The following PPFIA2 variants were observed in gnomAD, a reference collection of about 807,000 sequenced individuals.
The protein encoded by PPFIA2 is PPFI scaffold protein A2.
Under a neutral mutation model 175.5 loss-of-function variants are expected in PPFIA2, and 46 were observed. The ratio of observed to expected loss-of-function variants is 0.26; its 90% confidence interval spans 0.21 to 0.34. The LOEUF (loss-of-function observed/expected upper bound fraction) is 0.34, where lower values mean the gene tolerates loss of function less well. Ranked by LOEUF, PPFIA2 falls within the 10% of genes least tolerant of loss-of-function variation. The pLI is 1.00. For missense variants in PPFIA2, 1,179 were observed against 1,506.1 expected (o/e 0.78, Z 3.60); for synonymous variants, 568 against 511.4 (o/e 1.11, Z -1.49).
In PPFIA2 at chr12:81,362,695, T is replaced by C. The variant is rs1157326153; in HGVS notation, c.1635A>G (p.Pro545=). Residue 545 remains proline, a splice_region_variant and synonymous_variant, in exon 15 of 33, where the codon CCA becomes CCG. Coordinates refer to ENST00000549396, the MANE Select transcript of PPFIA2 (RefSeq NM_003625.5). The stretch of plus-strand genomic sequence containing the variant: ...ATAAGCTTTTAGTTTAATGTTACCT[T>C]GGTATTGTGGGTTCAATTAAAGAGC... ...RTGSLIEPTI[P]RTHLDTSAEL... The C allele has an allele frequency of 1.3e-6, 2 of 1,537,452 alleles. No individual in the cohort carries two copies. Among genetic ancestry groups the C allele is most frequent in the East Asian group, 2.5e-5 (1 of 40,740 alleles).
At position 81,283,000 on chromosome 12, in the gene PPFIA2, A is replaced by T. The variant is rs117502440; in HGVS notation, c.3018+10T>A. On this transcript the variant is annotated intron_variant, in intron 26 of 32. Transcript: ENST00000549396. ...GATATTAAGGGTCTTAAAGCATATG[A>T]ATCTCCTACCTGGGCCCAGCTTCCT... 26,544 of 1,609,580 alleles carry T rather than the reference A, an allele frequency of 0.016. 292 individuals are homozygous for T. The highest frequency in any genetic ancestry group is 0.019 in the Admixed American group (1,156 of 59,848).
intron 4 of PPFIA2, among the ~76,000 whole-genome samples, chr12:81,567,140 G>A (rs1056472036): frequency 2.0e-5 from 3 of 152,142 alleles, no homozygotes; most frequent in Admixed American, 6.5e-5. Flanking sequence ...TCTGCCTCCC[G>A]GGATTCACGC....
chr12:81,712,774 A>C lies in PPFIA2; in HGVS notation c.250-35930T>G, dbSNP rs149676528. 6.7e-4 allele frequency among the ~76,000 whole-genome samples: 100 copies of C among 149,638 alleles called. 4 individuals carry two copies. The highest frequency in any genetic ancestry group is 2.4e-3 in the Admixed American group (34 of 14,446). ...ATCACTTTTTTTTTTTTAATCAAGCACAAAAAAAGACTCTTACGCTTTCAA... is the reference window on the plus strand; with the variant it reads ...ATCACTTTTTTTTTTTTAATCAAGCCCAAAAAAAGACTCTTACGCTTTCAA... On this transcript the variant is annotated intron_variant, in intron 3 of 32. Transcript: ENST00000549396.
chr12:81,594,912 A>T (rs1369253103), intron 4 of PPFIA2, among the ~76,000 whole-genome samples: 1 of 152,028 alleles, frequency 6.6e-6, no homozygotes, highest in African/African-American at 2.4e-5. Context: ...GATGCTGTCT[A>T]AAAATAAAAA....
At chr12:81,271,742 T>G (rs1367577958) in intron 28 of PPFIA2, among the ~76,000 whole-genome samples, 1 of 152,184 alleles carries the variant, frequency 6.6e-6, no homozygotes, top group African/African-American at 2.4e-5. Context: ...TTTTGCATTA[T>G]AGTTATGTAT....
At chr12:81,724,169 C>T (rs1308650656) in intron 3 of PPFIA2, among the ~76,000 whole-genome samples, 2 of 150,658 alleles carry the variant, frequency 1.3e-5, no homozygotes, top group Non-Finnish European at 3.0e-5. Flanking sequence ...TTTAAAAGGC[C>T]ATATTTGACA....
chr12:81,374,879 T>C (rs1429899273), intron 10 of PPFIA2, 111 bp from the exon 11 acceptor site: 3 of 943,950 alleles, frequency 3.2e-6, no homozygotes, highest in Non-Finnish European at 4.7e-6. Flanking sequence ...AATCAGCCAC[T>C]ACCACACCTA....
intron 7 of PPFIA2, among the ~76,000 whole-genome samples, chr12:81,411,218 G>T (rs1366637751): frequency 6.6e-6 from 1 of 151,996 alleles, no homozygotes; most frequent in African/African-American, 2.4e-5. Context: ...TGTGTTCCTC[G>T]CACTGTAAGT....
At chr12:81,743,383 C>T (rs2082575969) in intron 3 of PPFIA2, among the ~76,000 whole-genome samples, 1 of 120,838 alleles carries the variant, frequency 8.3e-6, no homozygotes, top group Admixed American at 1.1e-4. Flanking sequence ...TGCCACTGCA[C>T]TCCGGGCCAC....
At chr12:81,446,434 G>C (rs1050048325) in intron 5 of PPFIA2, among the ~76,000 whole-genome samples, 10 of 152,154 alleles carry the variant, frequency 6.6e-5, no homozygotes, top group African/African-American at 2.4e-4. Context: ...TGCCAGAGGA[G>C]TTCTGCTTTG....
chr12:81,369,630 G>A (rs777800795), intron 11 of PPFIA2, among the ~76,000 whole-genome samples: 1 of 151,754 alleles, frequency 6.6e-6, no homozygotes, highest in African/African-American at 2.4e-5. Flanking sequence ...ACCTTCCTAC[G>A]TATGGAGATC....
chr12:81,297,108 C>T (rs534278279), intron 23 of PPFIA2, among the ~76,000 whole-genome samples: 222 of 152,172 alleles, frequency 1.5e-3, no homozygotes, highest in Non-Finnish European at 1.3e-3. Context: ...TGTTTCTGGC[C>T]AACAGCCAGC....
intron 29 of PPFIA2, 176 bp from the exon 30 acceptor site, chr12:81,267,196 G>A (rs1490187223): frequency 2.0e-5 from 12 of 606,988 alleles, no homozygotes; most frequent in Admixed American, 5.5e-5. Context: ...AAAAAAACAG[G>A]GCTTTTTTTT....
chr12:81,511,931 T>C (rs1248342472), intron 4 of PPFIA2, among the ~76,000 whole-genome samples: 1 of 151,526 alleles, frequency 6.6e-6, no homozygotes, highest in African/African-American at 2.4e-5. Flanking sequence ...GTTTGTTAAT[T>C]TGAAAAAAAA....
chr12:81,711,056 C>T (rs1446668246), intron 3 of PPFIA2, among the ~76,000 whole-genome samples: 2 of 150,950 alleles, frequency 1.3e-5, no homozygotes, highest in Admixed American at 6.8e-5. Flanking sequence ...ATAGAGAGAC[C>T]TCTTCACCAT....
intron 11 of PPFIA2, among the ~76,000 whole-genome samples, chr12:81,373,821 A>C (rs897412181): frequency 6.6e-6 from 1 of 152,032 alleles, no homozygotes; most frequent in Non-Finnish European, 1.5e-5. Flanking sequence ...ATACTCACTT[A>C]TTGTAGTGGC....
intron 22 of PPFIA2, among the ~76,000 whole-genome samples, chr12:81,313,256 C>A (rs2051405472): frequency 6.6e-6 from 1 of 151,938 alleles, no homozygotes; most frequent in African/African-American, 2.4e-5. Flanking sequence ...AAAATTGTTA[C>A]TACAACTCAT....
intron 4 of PPFIA2, among the ~76,000 whole-genome samples, chr12:81,667,640 C>G (rs557254990): frequency 2.6e-5 from 4 of 152,046 alleles, no homozygotes; most frequent in Admixed American, 6.6e-5. Context: ...TTTCATCAAT[C>G]TTGTTATTAA....
At chr12:81,277,019 A>T (rs527785053) in intron 28 of PPFIA2, among the ~76,000 whole-genome samples, 223 of 152,306 alleles carry the variant, frequency 1.5e-3, no homozygotes, top group Non-Finnish European at 1.4e-3. Flanking sequence ...GTCTGACAAA[A>T]ATATCTACAT....
Sources: allele counts gnomAD v4.1 joint callset (sites outside exome capture counted in the v4.1 genomes callset), GRCh38; gene constraint gnomAD v4.1.1; transcripts MANE v1.5; gene names NCBI Gene and HGNC (gene_info 2026-07-23, HGNC 2026-07-21).